Variants in ENTREP2 observed in about 807,000 individuals in gnomAD.
ENTREP2 encodes endosomal transmembrane epsin interactor 2, also known as protein ENTREP2.
the ENTREP2 span, among the ~76,000 whole-genome samples, chr15:29,422,185 G>C: frequency 3.9e-5 from 6 of 152,038 alleles, no homozygotes; most frequent in Admixed American, 6.6e-5. Flanking sequence ...CAGGAGAATT[G>C]CTTGAACCCA....
chr15:29,469,186 T>C, the ENTREP2 span, among the ~76,000 whole-genome samples: 1 of 152,106 alleles, frequency 6.6e-6, no homozygotes, highest in South Asian at 2.1e-4. Flanking sequence ...ATTCTGCTTC[T>C]TTTTTGTTTT....
chr15:29,546,212 C>T, the ENTREP2 span, among the ~76,000 whole-genome samples: 4 of 152,250 alleles, frequency 2.6e-5, no homozygotes, highest in African/African-American at 9.6e-5. Flanking sequence ...GAAAGCCCTA[C>T]CCTGTGACAC....
the ENTREP2 span, among the ~76,000 whole-genome samples, chr15:29,198,899 G>C: frequency 6.6e-6 from 1 of 152,158 alleles, no homozygotes; most frequent in Non-Finnish European, 1.5e-5. Context: ...AAAATTACAA[G>C]ATTCATCTAC....
chr15:29,630,961 C>A, the ENTREP2 span, among the ~76,000 whole-genome samples: 716 of 152,332 alleles, frequency 4.7e-3, 5 homozygotes, highest in African/African-American at 0.017. Context: ...GCATTACAGG[C>A]ATAAGCCTGT....
the ENTREP2 span, among the ~76,000 whole-genome samples, chr15:29,639,768 CTT>C: frequency 1.2e-4 from 15 of 127,226 alleles, no homozygotes; most frequent in Non-Finnish European, 1.8e-4. Context: ...TTTTTGTTTG[CTT>C]TTTTTTTTTT....
chr15:29,373,994 T>C, the ENTREP2 span: 1 of 152,080 alleles, frequency 6.6e-6, no homozygotes, highest in Non-Finnish European at 1.5e-5. Flanking sequence ...TGGGGAAAAA[T>C]GGAAGGCAAA....
chr15:29,526,631 T>TA, the ENTREP2 span, among the ~76,000 whole-genome samples: 26 of 151,592 alleles, frequency 1.7e-4, no homozygotes, highest in South Asian at 2.1e-4. Context: ...CTGGCTACTA[T>TA]AAAAAAATTT....
chr15:29,446,199 C>G, the ENTREP2 span, among the ~76,000 whole-genome samples: 1 of 152,202 alleles, frequency 6.6e-6, no homozygotes, highest in East Asian at 1.9e-4. Flanking sequence ...GGCTCCAGAA[C>G]TGTGAGCAAT....
At chr15:29,624,451 T>C in the ENTREP2 span, among the ~76,000 whole-genome samples, 1 of 152,194 alleles carries the variant, frequency 6.6e-6, no homozygotes, top group Non-Finnish European at 1.5e-5. Flanking sequence ...TCCTGTGCTA[T>C]GTTTAAAGCA....
the ENTREP2 span, among the ~76,000 whole-genome samples, chr15:29,174,702 C>CAAAAAAAAAAAAAAAAAAAAAAAAAA: frequency 8.6e-6 from 1 of 115,984 alleles, no homozygotes; most frequent in Non-Finnish European, 1.7e-5. Flanking sequence ...CAAAACAAAA[C>CAAAAAAAAAAAAAAAAAAAAAAAAAA]AAAACAACAA....
At chr15:29,384,364 C>A in the ENTREP2 span, among the ~76,000 whole-genome samples, 4 of 152,158 alleles carry the variant, frequency 2.6e-5, no homozygotes, top group African/African-American at 9.7e-5. Flanking sequence ...GCTCAGCACC[C>A]TCCATTTCCC....
At chr15:29,434,430 T>C in the ENTREP2 span, among the ~76,000 whole-genome samples, 1 of 152,146 alleles carries the variant, frequency 6.6e-6, no homozygotes. Flanking sequence ...TAAAACCACA[T>C]CCTTGCCTTT....
the ENTREP2 span, among the ~76,000 whole-genome samples, chr15:29,499,542 ATTT>A: frequency 7.1e-6 from 1 of 141,630 alleles, no homozygotes; most frequent in African/African-American, 2.6e-5. Context: ...CACTAGGCTA[ATTT>A]TTTTTTTTTT....
the ENTREP2 span, among the ~76,000 whole-genome samples, chr15:29,135,244 G>C: frequency 6.6e-6 from 1 of 152,056 alleles, no homozygotes; most frequent in South Asian, 2.1e-4. This position sits in a 1 kb window ranked among gnomAD's most constrained non-coding sequence, Gnocchi z 7.4. Context: ...ACCTGTCACG[G>C]GAGTTCTCTG....
chr15:29,587,375 A>G, the ENTREP2 span, among the ~76,000 whole-genome samples: 1 of 152,122 alleles, frequency 6.6e-6, no homozygotes, highest in Non-Finnish European at 1.5e-5. Context: ...TACTAGAGCG[A>G]TGACAAAAGG....
the ENTREP2 span, among the ~76,000 whole-genome samples, chr15:29,601,966 G>T: frequency 6.6e-6 from 1 of 152,188 alleles, no homozygotes; most frequent in African/African-American, 2.4e-5. Context: ...AGTGATTTGT[G>T]GACTGAAGAG....
chr15:29,310,129 G>A, the ENTREP2 span, among the ~76,000 whole-genome samples: 1 of 152,062 alleles, frequency 6.6e-6, no homozygotes, highest in Non-Finnish European at 1.5e-5. Flanking sequence ...CTAGAAAGGG[G>A]GGGCAGGACA....
the ENTREP2 span, among the ~76,000 whole-genome samples, chr15:29,455,287 C>T: frequency 4.6e-5 from 7 of 152,110 alleles, no homozygotes; most frequent in African/African-American, 9.7e-5. Context: ...CATCAATGCA[C>T]GACCATGAAT....
At chr15:29,230,324 C>A in the ENTREP2 span, among the ~76,000 whole-genome samples, 1 of 152,118 alleles carries the variant, frequency 6.6e-6, no homozygotes, top group East Asian at 1.9e-4. Flanking sequence ...TTCTCCCAAG[C>A]TGAAGTAATC....
Sources: gnomAD v4.1 joint callset for allele counts (sites outside exome capture counted in the v4.1 genomes callset) on GRCh38, gnomAD v4.1.1 for gene constraint, Gnocchi (gnomAD v3.1) non-coding constraint, MANE v1.5 for transcripts, NCBI Gene and HGNC (gene_info 2026-07-23, HGNC 2026-07-21) for gene names.